The following WDR7 variants were observed in gnomAD, a reference collection of about 807,000 sequenced individuals.
WDR7 encodes WD repeat-containing protein 7.
Under a neutral mutation model 169.4 loss-of-function variants are expected in WDR7, and 46 were observed. That is an observed-to-expected ratio of 0.27 (90% CI 0.21 to 0.35). WDR7 has a LOEUF of 0.35. Ranked by LOEUF, WDR7 falls within the 10% of genes least tolerant of loss-of-function variation. The pLI, the probability that WDR7 is intolerant of heterozygous loss-of-function variation, is 1.00. For missense variants in WDR7, 1,534 were observed against 1,859.3 expected (o/e 0.83, Z 3.22); for synonymous variants, 612 against 666.8 (o/e 0.92, Z 1.27).
At chr18:56,676,257 G>A (rs1035215031) in intron 2 of WDR7, among the ~76,000 whole-genome samples, 2 of 152,096 alleles carry the variant, frequency 1.3e-5, no homozygotes, top group Admixed American at 1.3e-4. Context: ...GTCTATGTGT[G>A]TTTTTATAGG....
At chr18:56,753,995 T>C (rs1158458650) in intron 14 of WDR7, among the ~76,000 whole-genome samples, 3 of 152,008 alleles carry the variant, frequency 2.0e-5, no homozygotes, top group African/African-American at 7.2e-5. Context: ...TATGATTATA[T>C]GTAATCTAAG....
intron 12 of WDR7, among the ~76,000 whole-genome samples, chr18:56,709,385 T>C (rs2026033926): frequency 3.3e-5 from 5 of 152,184 alleles, no homozygotes. Context: ...AGAAAATAAA[T>C]ACAATTACAT....
chr18:56,914,771 A>G (rs1281357072), intron 21 of WDR7, among the ~76,000 whole-genome samples: 1 of 152,188 alleles, frequency 6.6e-6, no homozygotes, highest in Non-Finnish European at 1.5e-5. Context: ...AGACGGCTAC[A>G]TGCATTAAGT....
intron 12 of WDR7, among the ~76,000 whole-genome samples, chr18:56,709,794 A>C (rs766284655): frequency 7.2e-5 from 11 of 152,054 alleles, no homozygotes; most frequent in Non-Finnish European, 1.0e-4. Flanking sequence ...TGATTATTCA[A>C]GTTTGGAGTT....
At chr18:56,668,863 G>T (rs187554405) in intron 1 of WDR7, among the ~76,000 whole-genome samples, 10 of 150,818 alleles carry the variant, frequency 6.6e-5, no homozygotes, top group Non-Finnish European at 1.5e-4. Flanking sequence ...GCCTGTAGAT[G>T]TGTAAGCAGA....
At chr18:56,786,359 A>G (rs2044399493) in intron 19 of WDR7, among the ~76,000 whole-genome samples, 1 of 152,034 alleles carries the variant, frequency 6.6e-6, no homozygotes, top group Non-Finnish European at 1.5e-5. Flanking sequence ...GGTGAAAAAC[A>G]GTCTCTACTA....
intron 22 of WDR7, among the ~76,000 whole-genome samples, chr18:56,928,276 T>C (rs2046834221): frequency 6.6e-6 from 1 of 151,924 alleles, no homozygotes; most frequent in African/African-American, 2.4e-5. Flanking sequence ...ACAGCCTGGG[T>C]AACATAGCGA....
rs1244886764 is a variant in WDR7 at position 56,757,201 on chromosome 18, C to A, written c.2608C>A (p.Pro870Thr). 6.2e-7 allele frequency: 1 copy of A among 1,614,036 alleles called. No homozygotes were observed. Among genetic ancestry groups the A allele is most frequent in the East Asian group, 2.2e-5 (1 of 44,876 alleles). Residue 870 changes from proline to threonine, a missense_variant, in exon 15 of 28, where the codon CCA (proline) becomes ACA (threonine). Pro to Thr is a conservative substitution (Grantham distance 38, BLOSUM62 -1). Transcript: ENST00000254442. The part of the protein sequence containing the change: ...HGKTEVGRKL[P>T]ASEGVGKGTY... ...GAAAACAGAAGTAGGAAGGAAGCTG[C>A]CAGCGTCTGAGGGAGTAGGAAAGGG...
intron 19 of WDR7, among the ~76,000 whole-genome samples, chr18:56,789,064 C>T (rs1173887613): frequency 2.0e-5 from 3 of 152,134 alleles, no homozygotes; most frequent in African/African-American, 7.2e-5. Context: ...TAATTTTAAG[C>T]GCTCTAGACT....
chr18:56,748,219 G>A (rs1394631056), intron 14 of WDR7, among the ~76,000 whole-genome samples: 1 of 152,130 alleles, frequency 6.6e-6, no homozygotes, highest in Non-Finnish European at 1.5e-5. Flanking sequence ...ATTGAGGTAG[G>A]CAGTCTTTTC....
intron 19 of WDR7, among the ~76,000 whole-genome samples, chr18:56,808,655 G>A (rs2044816939): frequency 6.6e-6 from 1 of 152,018 alleles, no homozygotes; most frequent in Admixed American, 6.6e-5. Flanking sequence ...ACATGACACT[G>A]TAGTCTTGTG....
chr18:56,666,280 T>C (rs908811506), intron 1 of WDR7, among the ~76,000 whole-genome samples: 1 of 146,634 alleles, frequency 6.8e-6, no homozygotes, highest in Non-Finnish European at 1.5e-5. Context: ...CTTGGCTCAC[T>C]GCAACCTCCG....
At chr18:56,832,033 A>G (rs2045318860) in intron 20 of WDR7, among the ~76,000 whole-genome samples, 1 of 152,132 alleles carries the variant, frequency 6.6e-6, no homozygotes, top group Non-Finnish European at 1.5e-5. Flanking sequence ...CAGGGAGCCG[A>G]GTGATCTTGC....
At chr18:56,912,629 A>T (rs2046568372) in intron 21 of WDR7, among the ~76,000 whole-genome samples, 1 of 152,156 alleles carries the variant, frequency 6.6e-6, no homozygotes, top group Non-Finnish European at 1.5e-5. Flanking sequence ...CCAATGAGTG[A>T]TTCTCAGCCC....
chr18:56,779,015 A>G (rs1003015448), intron 17 of WDR7, among the ~76,000 whole-genome samples: 5 of 152,228 alleles, frequency 3.3e-5, no homozygotes, highest in Non-Finnish European at 7.3e-5. Flanking sequence ...CTTAAGTGAC[A>G]TGAACCTATT....
chr18:57,009,356 G>T (rs4801071), intron 26 of WDR7, among the ~76,000 whole-genome samples: 116,812 of 152,108 alleles, frequency 0.77, 46,636 homozygotes, highest in Non-Finnish European at 0.87. Context: ...CAGTCTCTAA[G>T]AAGTCACCAT....
intron 9 of WDR7, among the ~76,000 whole-genome samples, chr18:56,693,495 G>T (rs1484340118): frequency 6.9e-6 from 1 of 145,334 alleles, no homozygotes; most frequent in Non-Finnish European, 1.5e-5. Context: ...GCTATTAGTT[G>T]AAAAATATAC....
intron 25 of WDR7, among the ~76,000 whole-genome samples, chr18:56,951,027 A>G (rs1268253506): frequency 6.6e-6 from 1 of 152,074 alleles, no homozygotes; most frequent in Non-Finnish European, 1.5e-5. Flanking sequence ...CCTACCTCAG[A>G]ACTTTTGTTG....
chr18:56,859,798 A>G (rs1423961719), intron 20 of WDR7, among the ~76,000 whole-genome samples: 1 of 152,162 alleles, frequency 6.6e-6, no homozygotes, highest in African/African-American at 2.4e-5. Flanking sequence ...GAGGAAGAAT[A>G]TCCCTTCTTC....
Sources: gnomAD v4.1 joint callset for allele counts (sites outside exome capture counted in the v4.1 genomes callset) on GRCh38, gnomAD v4.1.1 for gene constraint, MANE v1.5 for transcripts, NCBI Gene and HGNC (gene_info 2026-07-23, HGNC 2026-07-21) for gene names.